TRAPPC11: variants seen among roughly 807,000 people sequenced by gnomAD.
TRAPPC11 encodes foie gras homolog.
TRAPPC11 carries 104 observed loss-of-function variants against 151.2 expected under a neutral mutation model. That is an observed-to-expected ratio of 0.69 (90% CI 0.59 to 0.81). TRAPPC11 has a LOEUF of 0.81. Ranked by LOEUF, TRAPPC11 falls within the 30% of genes least tolerant of loss-of-function variation. The pLI is 0.00. For missense variants in TRAPPC11, 1,230 were observed against 1,349.6 expected (o/e 0.91, Z 1.39); for synonymous variants, 456 against 472.3 (o/e 0.97, Z 0.45).
At chr4:183,701,870 T>C in intron 26 of TRAPPC11, 62 bp downstream of exon 26, 1 of 1,103,200 alleles carries the variant, frequency 9.1e-7, no homozygotes, top group Non-Finnish European at 1.4e-6. Flanking sequence ...ACCTTTATTA[T>C]TCATCTTTGT....
chr4:183,685,065 C>T lies in TRAPPC11; in HGVS notation c.1568-19C>T, dbSNP rs1278139145. ...AATTATAAGTACTTAAAATGTTTTT[C>T]CTTCTTTCTTCATACTAGCTTCAAC... On this transcript the variant is annotated intron_variant, in intron 15 of 29. Transcript: ENST00000334690. 1.2e-6 allele frequency: 2 copies of T among 1,607,588 alleles called. No homozygotes were observed. Among genetic ancestry groups the T allele is most frequent in the Non-Finnish European group, 1.7e-6 (2 of 1,177,320 alleles).
At position 183,712,823 on chromosome 4, in the gene TRAPPC11, A is replaced by T. The variant is rs1737397847; in HGVS notation, c.*179A>T. ...CAAAAATATTAGGAAAATCTGTCTTATAGTTTCTCTAATAAATATCTGAAA... is the reference window on the plus strand; with the variant it reads ...CAAAAATATTAGGAAAATCTGTCTTTTAGTTTCTCTAATAAATATCTGAAA... On this transcript the variant is annotated 3_prime_UTR_variant, in exon 30 of 30. Transcript: ENST00000334690. 1 of 516,120 alleles carries T rather than the reference A, an allele frequency of 1.9e-6. No homozygotes were observed. Among genetic ancestry groups the T allele is most frequent in the African/African-American group, 1.9e-5 (1 of 51,632 alleles). The allele number at this position is 516,120 out of a possible 1,614,324, so 32.0% of individuals were successfully genotyped here. A position where few individuals can be genotyped will look rare whatever the true frequency, so the allele number is the denominator to read the frequency against.
chr4:183,685,911 G>A (rs1410666573), intron 17 of TRAPPC11, among the ~76,000 whole-genome samples: 4 of 152,092 alleles, frequency 2.6e-5, no homozygotes, highest in Non-Finnish European at 5.9e-5. Flanking sequence ...TCAGCTCACT[G>A]CAACCTCTTC....
chr4:183,704,076 C>T (rs1035726148), intron 26 of TRAPPC11, among the ~76,000 whole-genome samples: 14 of 152,200 alleles, frequency 9.2e-5, no homozygotes, highest in Admixed American at 5.9e-4. Flanking sequence ...TGTATTAAAT[C>T]GTGTGCATCA....
At chr4:183,689,912 T>G (rs1221304748) in intron 18 of TRAPPC11, among the ~76,000 whole-genome samples, 1 of 152,156 alleles carries the variant, frequency 6.6e-6, no homozygotes, top group Non-Finnish European at 1.5e-5. Context: ...ATTTGAAATT[T>G]AAGATACAGG....
chr4:183,708,501 T>A lies in TRAPPC11; in HGVS notation c.3284T>A (p.Ile1095Asn). 1 of 1,614,164 alleles carries A rather than the reference T, an allele frequency of 6.2e-7. No homozygotes were observed. The highest frequency in any genetic ancestry group is 8.5e-7 in the Non-Finnish European group (1 of 1,179,994). Residue 1095 changes from isoleucine (I) to asparagine (N), a missense_variant, in exon 29 of 30, where the codon ATC becomes AAC. Transcript: ENST00000334690. Reference sequence around the variant, plus strand: ...TACCAGCAGCTGCCATCTCTCAACATCAACTTGCTTAGATTTCCTAACTTC... The same window carrying A: ...TACCAGCAGCTGCCATCTCTCAACAACAACTTGCTTAGATTTCCTAACTTC... Reference protein sequence around the residue: ...AGYQQLPSLNINLLRFPNFTN... With the variant: ...AGYQQLPSLNNNLLRFPNFTN...
At position 183,697,815 on chromosome 4, in the gene TRAPPC11, T is replaced by C; in HGVS notation, c.2831T>C (p.Leu944Pro). ...CCATCCATGACCACAGTGGACCAGC[T>C]CGAGTCTCAAGTGGACAATGGTGAG... ...LAPSMTTVDQLESQVDNVILQ... is the reference protein window; with the variant it reads ...LAPSMTTVDQPESQVDNVILQ... The change falls in exon 25 of 30, where the codon CTC becomes CCC. Residue 944 changes from leucine (L) to proline (P), a missense_variant. By Grantham distance (98) the Leu-to-Pro change is moderately conservative. Transcript: ENST00000334690. The C allele has an allele frequency of 1.9e-6, 3 of 1,613,750 alleles. No homozygotes were observed. In the South Asian group the frequency reaches 3.3e-5, roughly 18 times the overall value.
In TRAPPC11 at chr4:183,705,085, A is replaced by G. The variant is rs1452464013; in HGVS notation, c.3055+15A>G. The G allele has an allele frequency of 1.3e-6, 2 of 1,530,548 alleles. No homozygotes were observed. Among genetic ancestry groups the G allele is most frequent in the Admixed American group, 1.7e-5 (1 of 59,632 alleles). The allele number at this position is 1,530,548 out of a possible 1,614,324, so 94.8% of individuals were successfully genotyped here. On this transcript the variant is annotated intron_variant, in intron 27 of 29. Coordinates refer to ENST00000334690, the MANE Select transcript of TRAPPC11 (RefSeq NM_021942.6). The stretch of plus-strand genomic sequence containing the variant: ...TGTGAATGCAGGTAGCGGAATTCAA[A>G]TTTTACTTGATAAGAAGGACCCAAT...
rs757667254 is a variant in TRAPPC11, at chr4:183,694,772, A to G, written c.2628+49A>G. ...AAAGCATCATATGTGGAGTATTCCC[A>G]TTTTGTGTTATTTTAGTTTACCTAT... On this transcript the variant is annotated intron_variant, in intron 23 of 29. Transcript: ENST00000334690. 5.8e-6 allele frequency: 9 copies of G among 1,564,748 alleles called. No homozygotes were observed. The South Asian group carries it at 1.1e-4, about 19-fold the overall frequency.
At position 183,697,802 on chromosome 4, in the gene TRAPPC11, A is replaced by G; in HGVS notation, c.2818A>G (p.Thr940Ala). The change falls in exon 25 of 30, where the codon ACA becomes GCA. Residue 940 changes from threonine to alanine, a missense_variant. Thr to Ala is a moderately conservative substitution (Grantham distance 58). Coordinates refer to ENST00000334690, the MANE Select transcript of TRAPPC11 (RefSeq NM_021942.6). ...GCTCCAGCTTGCTCCATCCATGACC[A>G]CAGTGGACCAGCTCGAGTCTCAAGT... The part of the protein sequence containing the change: ...SELQLAPSMT[T>A]VDQLESQVDN... 4 of 1,613,912 alleles carry G rather than the reference A, an allele frequency of 2.5e-6. No homozygotes were observed. The highest frequency in any genetic ancestry group is 3.4e-6 in the Non-Finnish European group (4 of 1,179,998).
chr4:183,698,788 G>T (rs1033936480), intron 25 of TRAPPC11, among the ~76,000 whole-genome samples: 2 of 152,138 alleles, frequency 1.3e-5, no homozygotes, highest in Admixed American at 6.5e-5. Flanking sequence ...TAGGCTGCCT[G>T]CATTCCCTCG....
Position 183,682,645 on chromosome 4 carries a change from A to T in TRAPPC11, c.1114-87A>T, listed in dbSNP as rs544776011. On this transcript the variant is annotated intron_variant, in intron 10 of 29. Transcript: ENST00000334690. ...ATATTTGGTGGTTGTATTTATGAAA[A>T]CTTTTTTGTTCAGTCAAAGGTTGGG... The T allele has an allele frequency of 2.2e-5, 14 of 648,944 alleles. No individual in the cohort carries two copies. In the East Asian group the frequency reaches 3.9e-4, roughly 18 times the overall value. The allele number at this position is 648,944 out of a possible 1,614,324, so 40.2% of individuals were successfully genotyped here. A position where few individuals can be genotyped will look rare whatever the true frequency, so the allele number is the denominator to read the frequency against.
intron 28 of TRAPPC11, among the ~76,000 whole-genome samples, 193 bp downstream of exon 28, chr4:183,707,133 C>T (rs577690465): frequency 1.3e-5 from 2 of 152,176 alleles, no homozygotes; most frequent in South Asian, 2.1e-4. Flanking sequence ...ATCATTGAGA[C>T]GAGACACGTG....
rs539887702 is a variant in TRAPPC11 at position 183,690,455 on chromosome 4, C to T, written c.1894-861C>T. ...ACTCATCTATGAGGATTGTTCTCTT[C>T]TGGGAAGGCAGATGCACATTCACTT... On this transcript the variant is annotated intron_variant, in intron 18 of 29. Coordinates refer to ENST00000334690, the MANE Select transcript of TRAPPC11 (RefSeq NM_021942.6). 1.1e-4 allele frequency among the ~76,000 whole-genome samples: 17 copies of T among 152,258 alleles called. No individual in the cohort carries two copies. In the South Asian group the frequency reaches 3.5e-3, roughly 32 times the overall value.
chr4:183,687,037 T>C (rs1489849067), intron 18 of TRAPPC11, among the ~76,000 whole-genome samples: 1 of 151,996 alleles, frequency 6.6e-6, no homozygotes, highest in African/African-American at 2.4e-5. Flanking sequence ...AAAAATCTGC[T>C]GGGTGTGGTG....
intron 10 of TRAPPC11, among the ~76,000 whole-genome samples, 198 bp from the exon 11 acceptor site, chr4:183,682,534 A>C (rs1735749480): frequency 6.6e-6 from 1 of 152,228 alleles, no homozygotes; most frequent in Non-Finnish European, 1.5e-5. Flanking sequence ...ATTGATTTTT[A>C]TGAGACTACC....
chr4:183,668,376 T>C (rs906826609), intron 5 of TRAPPC11, among the ~76,000 whole-genome samples: 3 of 152,206 alleles, frequency 2.0e-5, no homozygotes, highest in African/African-American at 7.2e-5. Context: ...TATGTATTTC[T>C]TTATAGTATC....
At position 183,697,827 on chromosome 4, in the gene TRAPPC11, T is replaced by C; in HGVS notation, c.2843T>C (p.Val948Ala). 2 of 1,613,520 alleles carry C rather than the reference T, an allele frequency of 1.2e-6. No individual in the cohort carries two copies. Among genetic ancestry groups the C allele is most frequent in the Non-Finnish European group, 1.7e-6 (2 of 1,179,924 alleles). ...MTTVDQLESQ[V>A]DNVILQTGES... ...ACAGTGGACCAGCTCGAGTCTCAAG[T>C]GGACAATGGTGAGTCTGGTTCATTC... The change falls in exon 25 of 30, where the codon GTG (valine) becomes GCG (alanine). Residue 948 changes from valine (V) to alanine (A), a missense_variant. Val to Ala is a moderately conservative substitution (Grantham distance 64). Coordinates refer to ENST00000334690, the MANE Select transcript of TRAPPC11 (RefSeq NM_021942.6).
intron 1 of TRAPPC11, among the ~76,000 whole-genome samples, chr4:183,663,143 T>C (rs377696782): frequency 2.0e-5 from 3 of 152,300 alleles, no homozygotes; most frequent in Admixed American, 6.5e-5. Flanking sequence ...CTTGGCTCAC[T>C]GGAGCCTCCG....
Sources: gnomAD v4.1 joint callset for allele counts (sites outside exome capture counted in the v4.1 genomes callset) on GRCh38, gnomAD v4.1.1 for gene constraint, MANE v1.5 for transcripts, NCBI Gene and HGNC (gene_info 2026-07-23, HGNC 2026-07-21) for gene names.